Variants in MRAP observed in about 807,000 individuals in gnomAD.
MRAP encodes the protein melanocortin-2 receptor accessory protein.
MRAP carries 8 observed loss-of-function variants against 8.7 expected under a neutral mutation model. The observed-to-expected ratio is 0.92, with a 90% CI of 0.54 to 1.66. MRAP has a LOEUF of 1.66. MRAP is among the 40% of genes most tolerant of loss of function. MRAP has a pLI of 0.00. For synonymous variants in MRAP, 95 were observed against 95.5 expected, an observed-to-expected ratio of 1.00 and a Z score of 0.03; for missense variants, 237 against 217.1, an observed-to-expected ratio of 1.09 and a Z score of -0.58.
At chr21:32,305,154 A>T (rs915633116) in intron 1 of MRAP, among the ~76,000 whole-genome samples, 1 of 151,710 alleles carries the variant, frequency 6.6e-6, no homozygotes, top group African/African-American at 2.4e-5. Context: ...ATTTTTTTTT[A>T]GACATGGGGT....
At chr21:32,310,654 CTTTTT>C (rs34024378) in intron 2 of MRAP, among the ~76,000 whole-genome samples, 1 of 144,354 alleles carries the variant, frequency 6.9e-6, no homozygotes, top group South Asian at 2.2e-4. Context: ...TTTTTTTTTT[CTTTTT>C]TTTTTTGAGA....
intron 1 of MRAP, among the ~76,000 whole-genome samples, chr21:32,301,917 A>G (rs527720529): frequency 1.3e-5 from 2 of 152,358 alleles, no homozygotes; most frequent in South Asian, 4.1e-4. Context: ...TTCAAAGTAT[A>G]GATTAAACAA....
chr21:32,295,262 G>A (rs1374459489), upstream of MRAP, among the ~76,000 whole-genome samples: 6 of 152,160 alleles, frequency 3.9e-5, no homozygotes, highest in Non-Finnish European at 5.9e-5. Context: ...GGGGCCAAGC[G>A]GGCAACTGGC....
intron 1 of MRAP, among the ~76,000 whole-genome samples, chr21:32,305,776 C>T (rs1032740686): frequency 5.9e-5 from 9 of 152,092 alleles, no homozygotes; most frequent in South Asian, 2.1e-4. Flanking sequence ...ACCCTAATTA[C>T]GAGCCGGATT....
chr21:32,292,350 C>T (rs1016574245), intron 1 of MRAP, among the ~76,000 whole-genome samples: 1 of 151,282 alleles, frequency 6.6e-6, no homozygotes, highest in African/African-American at 2.5e-5. Flanking sequence ...TTTCTCACTG[C>T]TTTTGCAAAT....
intron 1 of MRAP, among the ~76,000 whole-genome samples, chr21:32,299,719 T>C (rs989551246): frequency 6.6e-5 from 10 of 152,214 alleles, no homozygotes; most frequent in African/African-American, 2.4e-4. Context: ...AGATTTGCCT[T>C]TTCCACTGTC....
At chr21:32,296,727 C>G (rs1313825035), upstream of MRAP, among the ~76,000 whole-genome samples, 1 of 152,038 alleles carries the variant, frequency 6.6e-6, no homozygotes, top group Non-Finnish European at 1.5e-5. Flanking sequence ...TAGATATAAA[C>G]ATATCTAAAC....
At chr21:32,308,361 G>A (rs2032469390) in intron 2 of MRAP, among the ~76,000 whole-genome samples, 1 of 151,732 alleles carries the variant, frequency 6.6e-6, no homozygotes, top group African/African-American at 2.4e-5. Context: ...TGGGCAAGAA[G>A]AGAGAAACTC....
intron 1 of MRAP, among the ~76,000 whole-genome samples, chr21:32,305,197 C>T (rs1262981430): frequency 6.6e-6 from 1 of 152,004 alleles, no homozygotes; most frequent in Non-Finnish European, 1.5e-5. Context: ...TCTCGAACTC[C>T]TGGACTCGAG....
At chr21:32,294,597 T>A (rs541743654), upstream of MRAP, among the ~76,000 whole-genome samples, 34 of 152,318 alleles carry the variant, frequency 2.2e-4, no homozygotes, top group South Asian at 6.8e-3. Context: ...ATAAATTCCT[T>A]AGTAGATATA....
At chr21:32,301,533 A>C (rs909100769) in intron 1 of MRAP, among the ~76,000 whole-genome samples, 1 of 152,140 alleles carries the variant, frequency 6.6e-6, no homozygotes, top group Admixed American at 6.6e-5. Flanking sequence ...GCCTGAATTG[A>C]CTAATTACAT....
intron 1 of MRAP, among the ~76,000 whole-genome samples, chr21:32,301,485 C>G (rs1401671411): frequency 6.6e-6 from 1 of 152,212 alleles, no homozygotes; most frequent in Non-Finnish European, 1.5e-5. Context: ...GAGGTCTCCC[C>G]AGAAGCAGAA....
intron 1 of MRAP, among the ~76,000 whole-genome samples, chr21:32,300,844 C>T (rs113629195): frequency 0.018 from 2,664 of 150,094 alleles, 64 homozygotes; most frequent in African/African-American, 0.06. Flanking sequence ...ATATGTCATG[C>T]GCCCTATGTC....
chr21:32,299,755 C>T (rs2032215059), intron 1 of MRAP, among the ~76,000 whole-genome samples: 1 of 152,322 alleles, frequency 6.6e-6, no homozygotes, highest in South Asian at 2.1e-4. Flanking sequence ...GACAGTTATT[C>T]TCTCCATCCC....
downstream of MRAP, chr21:32,314,581 AG>A: frequency 6.2e-7 from 1 of 1,614,210 alleles, no homozygotes; most frequent in East Asian, 2.2e-5. Context: ...TTCTGCATTC[AG>A]AAGTGCTGCC....
chr21:32,311,460 A>G (rs1490380888), intron 2 of MRAP: 1 of 165,686 alleles, frequency 6.0e-6, no homozygotes, highest in Non-Finnish European at 1.1e-5. Context: ...GCCTCCAGGG[A>G]AAGACCTGAG....
upstream of MRAP, among the ~76,000 whole-genome samples, chr21:32,297,762 G>A (rs181223767): frequency 2.0e-5 from 3 of 152,318 alleles, no homozygotes; most frequent in Admixed American, 1.3e-4. Context: ...AGCGGGAGCA[G>A]AGGTTTTATT....
downstream of MRAP, chr21:32,314,589 T>G (rs374776513): frequency 2.5e-6 from 4 of 1,614,144 alleles, no homozygotes; most frequent in African/African-American, 5.3e-5. Flanking sequence ...TCAGAAGTGC[T>G]GCCTCAAACT....
downstream of MRAP, chr21:32,314,470 C>T: frequency 7.6e-7 from 1 of 1,320,558 alleles, no homozygotes; most frequent in Non-Finnish European, 1.1e-6. Flanking sequence ...TAGGCGTGAG[C>T]CACCTCACCT....
Sources: gnomAD v4.1 joint callset for allele counts (sites outside exome capture counted in the v4.1 genomes callset) on GRCh38, gnomAD v4.1.1 for gene constraint, MANE v1.5 for transcripts, NCBI Gene and HGNC (gene_info 2026-07-23, HGNC 2026-07-21) for gene names.